Variants in LYPD6B observed in about 807,000 individuals in gnomAD.
The protein encoded by LYPD6B is LY6/PLAUR domain containing 6B.
Under a neutral mutation model 22.8 loss-of-function variants are expected in LYPD6B, and 17 were observed. The ratio of observed to expected loss-of-function variants is 0.75; its 90% confidence interval spans 0.51 to 1.12. The LOEUF is 1.12. Ranked by LOEUF, LYPD6B falls within the 50% of genes most tolerant of loss-of-function variation. The probability of loss-of-function intolerance (pLI) is 0.00; values close to 1 mark genes in which losing one functional copy is unlikely to be tolerated. For synonymous variants in LYPD6B, 106 were observed against 91.6 expected, an observed-to-expected ratio of 1.16 and a Z score of -0.90; for missense variants, 221 against 258.3, an observed-to-expected ratio of 0.86 and a Z score of 0.99.
chr2:149,211,216 A>G (rs1575188564), intron 5 of LYPD6B, among the ~76,000 whole-genome samples: 1 of 152,162 alleles, frequency 6.6e-6, no homozygotes, highest in East Asian at 1.9e-4. Context: ...CCCATGATTT[A>G]ATCACCTCCC....
chr2:149,069,191 T>TTGTGGCCG (rs1190449489), intron 1 of LYPD6B, among the ~76,000 whole-genome samples: 1 of 151,746 alleles, frequency 6.6e-6, no homozygotes, highest in African/African-American at 2.4e-5. Context: ...GGGGGTGGCC[T>TTGTGGCCG]TGGGAGAACT....
intron 2 of LYPD6B, among the ~76,000 whole-genome samples, chr2:149,152,574 A>G (rs1184042656): frequency 1.3e-5 from 2 of 152,188 alleles, no homozygotes; most frequent in Non-Finnish European, 1.5e-5. Context: ...GTTAAGGACA[A>G]TGGGAGGCAT....
At chr2:149,169,586 C>G (rs28396953) in intron 3 of LYPD6B, among the ~76,000 whole-genome samples, 32,562 of 152,062 alleles carry the variant, frequency 0.21, 3,707 homozygotes, top group East Asian at 0.35. Flanking sequence ...AGACAACCAG[C>G]TAGTGTTCCC....
chr2:149,116,726 A>C (rs1360817916), intron 1 of LYPD6B, among the ~76,000 whole-genome samples: 3 of 152,204 alleles, frequency 2.0e-5, no homozygotes, highest in Non-Finnish European at 4.4e-5. Context: ...TATAATGGGC[A>C]CTCAGCAAAC....
intron 3 of LYPD6B, among the ~76,000 whole-genome samples, chr2:149,165,685 C>T (rs572354273): frequency 1.3e-4 from 20 of 152,150 alleles, no homozygotes; most frequent in African/African-American, 4.3e-4. Flanking sequence ...AGGCACAGAG[C>T]GGTTAAGCAA....
intron 1 of LYPD6B, among the ~76,000 whole-genome samples, chr2:149,097,718 G>A (rs1189897264): frequency 6.6e-6 from 1 of 152,134 alleles, no homozygotes; most frequent in Non-Finnish European, 1.5e-5. Context: ...TTTTGGATTC[G>A]ATATTATCAG....
In LYPD6B at chr2:149,188,689, A is replaced by T. The variant is rs1027191760; in HGVS notation, c.78-16564A>T. The T allele has an allele frequency of 2.4e-5, 24 of 982,448 alleles. No individual in the cohort carries two copies. The African/African-American group carries it at 4.0e-4, about 16-fold the overall frequency. 60.9% of individuals were successfully genotyped at this position (982,448 alleles called of 1,614,324 possible). A position where few individuals can be genotyped will look rare whatever the true frequency, so the allele number is the denominator to read the frequency against. On this transcript the variant is annotated intron_variant, in intron 3 of 6. Transcript: ENST00000409642. ...AGTCTAAGGAAAATGGTGACAGAGG[A>T]TATATTCCGTAACGTCTCAGGAGGT...
chr2:149,198,512 A>G (rs1014368325), intron 3 of LYPD6B, among the ~76,000 whole-genome samples: 1 of 152,172 alleles, frequency 6.6e-6, no homozygotes, highest in Non-Finnish European at 1.5e-5. Flanking sequence ...ATTTAAAAAG[A>G]TGTCTTTAAA....
intron 3 of LYPD6B, among the ~76,000 whole-genome samples, chr2:149,180,939 T>G (rs1257921100): frequency 6.6e-6 from 1 of 152,230 alleles, no homozygotes; most frequent in Non-Finnish European, 1.5e-5. Context: ...TGTACTTCTC[T>G]GGTCCTGCTT....
At chr2:149,160,920 C>G in intron 3 of LYPD6B, 85 bp downstream of exon 3, 2 of 995,820 alleles carry the variant, frequency 2.0e-6, no homozygotes, top group Non-Finnish European at 3.1e-6. Flanking sequence ...CCTGAAAGTC[C>G]CGGGACCCTG....
intron 1 of LYPD6B, among the ~76,000 whole-genome samples, chr2:149,091,945 A>G (rs556816415): frequency 1.4e-5 from 2 of 143,292 alleles, no homozygotes; most frequent in African/African-American, 2.5e-5. Flanking sequence ...ATGTGATTCT[A>G]TGGGAATCTG....
At chr2:149,078,281 G>A (rs1684966390) in intron 1 of LYPD6B, among the ~76,000 whole-genome samples, 1 of 152,108 alleles carries the variant, frequency 6.6e-6, no homozygotes, top group Non-Finnish European at 1.5e-5. Context: ...GCTATAATGG[G>A]GTCTTTATTT....
At chr2:149,140,224 T>C (rs150682657) in intron 2 of LYPD6B, among the ~76,000 whole-genome samples, 169 of 152,314 alleles carry the variant, frequency 1.1e-3, no homozygotes, top group African/African-American at 3.9e-3. Context: ...GTTTGGCTTG[T>C]AGCCTACACC....
At chr2:149,158,826 G>A (rs566797072) in intron 2 of LYPD6B, among the ~76,000 whole-genome samples, 2 of 152,318 alleles carry the variant, frequency 1.3e-5, no homozygotes, top group African/African-American at 2.4e-5. Context: ...AAACCTGCCT[G>A]AGGGCAGTTT....
At chr2:149,130,708 C>T (rs973811394) in intron 1 of LYPD6B, among the ~76,000 whole-genome samples, 175 bp from the exon 2 acceptor site, 3 of 152,198 alleles carry the variant, frequency 2.0e-5, no homozygotes, top group African/African-American at 7.2e-5. Context: ...CAAGAGGCCA[C>T]TGTACAAAAT....
chr2:149,120,301 A>ATATATATATATGTG (rs1575002389), intron 1 of LYPD6B, among the ~76,000 whole-genome samples: 1 of 132,294 alleles, frequency 7.6e-6, no homozygotes, highest in Non-Finnish European at 1.5e-5. Flanking sequence ...ATATACACAT[A>ATATATATATATGTG]TATATATATG....
chr2:149,150,473 A>ATTGT (rs576666480), intron 2 of LYPD6B, among the ~76,000 whole-genome samples: 127 of 152,230 alleles, frequency 8.3e-4, no homozygotes, highest in South Asian at 5.0e-3. Context: ...AAAGAGTGAA[A>ATTGT]TTGTTTGTTT....
At chr2:149,213,212 T>C (rs1354973084) in intron 6 of LYPD6B, 90 bp downstream of exon 6, 3 of 1,487,700 alleles carry the variant, frequency 2.0e-6, no homozygotes, top group Non-Finnish European at 2.7e-6. Context: ...GATAGTAATA[T>C]GTGGACCATG....
At chr2:149,210,416 A>G (rs1199626704) in intron 5 of LYPD6B, among the ~76,000 whole-genome samples, 1 of 152,152 alleles carries the variant, frequency 6.6e-6, no homozygotes, top group African/African-American at 2.4e-5. Flanking sequence ...ATGGCATGAT[A>G]GGACATTCTT....
Sources: gnomAD v4.1 joint callset for allele counts (sites outside exome capture counted in the v4.1 genomes callset) on GRCh38, gnomAD v4.1.1 for gene constraint, MANE v1.5 for transcripts, NCBI Gene and HGNC (gene_info 2026-07-23, HGNC 2026-07-21) for gene names.